The following LDB2 variants were observed in gnomAD, a reference collection of about 807,000 sequenced individuals.
LDB2 encodes the protein LIM domain binding 2.
Under a neutral mutation model 44.3 loss-of-function variants are expected in LDB2, and 12 were observed. The observed-to-expected ratio is 0.27, with a 90% confidence interval of 0.17 to 0.44. The LOEUF is 0.44. Ranked by LOEUF, LDB2 falls within the 20% of genes least tolerant of loss-of-function variation. The pLI, the probability that LDB2 is intolerant of heterozygous loss-of-function variation, is 1.00. For missense variants in LDB2, 344 were observed against 473.5 expected, an observed-to-expected ratio of 0.73 and a Z score of 2.54; for synonymous variants, 164 against 174.8, an observed-to-expected ratio of 0.94 and a Z score of 0.49.
At chr4:16,664,760 T>C (rs767215828) in intron 2 of LDB2, among the ~76,000 whole-genome samples, 1 of 152,264 alleles carries the variant, frequency 6.6e-6, no homozygotes, top group Non-Finnish European at 1.5e-5. Context: ...TTCAGGTGCC[T>C]GCATTGTAAT....
At chr4:16,552,121 A>G (rs1737896260) in intron 5 of LDB2, among the ~76,000 whole-genome samples, 1 of 152,116 alleles carries the variant, frequency 6.6e-6, no homozygotes, top group Admixed American at 6.5e-5. Flanking sequence ...GTTGGTTTGT[A>G]TTATATTTTG....
chr4:16,561,482 A>G (rs1742233324), intron 5 of LDB2, among the ~76,000 whole-genome samples: 1 of 152,208 alleles, frequency 6.6e-6, no homozygotes, highest in South Asian at 2.1e-4. Context: ...CCTCAAAGAG[A>G]ATAAAATACC....
chr4:16,876,636 A>T (rs1718465052), intron 1 of LDB2, among the ~76,000 whole-genome samples: 1 of 152,162 alleles, frequency 6.6e-6, no homozygotes, highest in Non-Finnish European at 1.5e-5. Context: ...TGTAAAGTTT[A>T]TAAATATAAC....
chr4:16,596,021 C>G (rs1037405270), intron 2 of LDB2, 146 bp from the exon 3 acceptor site: 10 of 752,812 alleles, frequency 1.3e-5, no homozygotes, highest in Non-Finnish European at 2.1e-5. Context: ...TTAAAAACAG[C>G]CATGACCCTT....
At chr4:16,598,591 G>C (rs1721695638) in intron 2 of LDB2, among the ~76,000 whole-genome samples, 1 of 152,064 alleles carries the variant, frequency 6.6e-6, no homozygotes, top group Non-Finnish European at 1.5e-5. Context: ...CATGTGTTGA[G>C]GTGTTTTTTT....
At chr4:16,518,540 G>C (rs1197267725) in intron 5 of LDB2, among the ~76,000 whole-genome samples, 1 of 151,368 alleles carries the variant, frequency 6.6e-6, no homozygotes, top group Non-Finnish European at 1.5e-5. Context: ...ATCTTAACTA[G>C]GATTTGGCAA....
chr4:16,649,281 T>G (rs1737615412), intron 2 of LDB2, among the ~76,000 whole-genome samples: 1 of 152,214 alleles, frequency 6.6e-6, no homozygotes. Flanking sequence ...CATGATGATG[T>G]GCATATGTTT....
At chr4:16,658,969 C>A (rs1291781626) in intron 2 of LDB2, among the ~76,000 whole-genome samples, 1 of 152,162 alleles carries the variant, frequency 6.6e-6, no homozygotes, top group African/African-American at 2.4e-5. Flanking sequence ...TAGGCCAAGT[C>A]TTAAGCAAGA....
At chr4:16,623,338 C>T (rs1729391761) in intron 2 of LDB2, among the ~76,000 whole-genome samples, 1 of 152,324 alleles carries the variant, frequency 6.6e-6, no homozygotes, top group South Asian at 2.1e-4. Context: ...TGGCTCACGC[C>T]TGTAATCCCA....
In LDB2 at chr4:16,508,622, G is replaced by A. The variant is rs901619389; in HGVS notation, c.804C>T (p.Ser268=). The part of the protein sequence containing the change: ...RKRKNSTSST[S]NSSAGNNANS... Reference sequence around the variant, plus strand: ...TTGCATTGTTCCCAGCGCTGCTGTTGGAAGTGCTGCTGGTGGAATTTTTCC... The same window carrying A: ...TTGCATTGTTCCCAGCGCTGCTGTTAGAAGTGCTGCTGGTGGAATTTTTCC... Residue 268 remains serine (S), a synonymous_variant, in exon 7 of 8, where the codon TCC becomes TCT. Transcript: ENST00000304523. 4 of 1,613,656 alleles carry A rather than the reference G, an allele frequency of 2.5e-6. No individual in the cohort carries two copies. The African/African-American group carries it at 5.3e-5, about 22-fold the overall frequency.
chr4:16,765,265 G>A (rs1317699148), intron 1 of LDB2, among the ~76,000 whole-genome samples: 3 of 152,210 alleles, frequency 2.0e-5, no homozygotes, highest in African/African-American at 7.2e-5. Context: ...GGACCCTGGA[G>A]TTGGCCTCCC....
At chr4:16,731,038 G>GA (rs1467731611) in intron 2 of LDB2, among the ~76,000 whole-genome samples, 1 of 152,182 alleles carries the variant, frequency 6.6e-6, no homozygotes, top group Non-Finnish European at 1.5e-5. Context: ...ACTGGAGACA[G>GA]AAAAAGCAGG....
intron 2 of LDB2, among the ~76,000 whole-genome samples, chr4:16,691,839 T>G (rs1432330960): frequency 6.6e-6 from 1 of 152,126 alleles, no homozygotes; most frequent in Non-Finnish European, 1.5e-5. Flanking sequence ...CACATACAGG[T>G]TTTCATTCCT....
intron 2 of LDB2, among the ~76,000 whole-genome samples, chr4:16,613,673 T>C (rs995763220): frequency 1.3e-5 from 2 of 151,902 alleles, no homozygotes; most frequent in African/African-American, 4.8e-5. Context: ...TCATAATCAC[T>C]ACAAAGAGAA....
chr4:16,526,394 C>T (rs77461379), intron 5 of LDB2, among the ~76,000 whole-genome samples: 3 of 152,212 alleles, frequency 2.0e-5, no homozygotes, highest in South Asian at 2.1e-4. Context: ...AGAATTACCC[C>T]CTTGGCTTCC....
intron 2 of LDB2, among the ~76,000 whole-genome samples, chr4:16,674,701 A>G (rs1163312516): frequency 2.0e-5 from 3 of 152,298 alleles, no homozygotes; most frequent in South Asian, 2.1e-4. Context: ...CTATGAATAC[A>G]TGGTGCCTGG....
At chr4:16,808,691 G>C (rs1779235797) in intron 1 of LDB2, among the ~76,000 whole-genome samples, 1 of 152,182 alleles carries the variant, frequency 6.6e-6, no homozygotes, top group African/African-American at 2.4e-5. Flanking sequence ...GTGCTTACCA[G>C]AAACACTAGT....
At chr4:16,581,570 C>T (rs924548425) in intron 5 of LDB2, 29 of 261,906 alleles carry the variant, frequency 1.1e-4, no homozygotes, top group Non-Finnish European at 1.4e-4. Context: ...AAGTCACTAA[C>T]ACTCTCCATC....
In LDB2 at chr4:16,502,995, C is replaced by G. The variant is rs1717910809; in HGVS notation, c.892-122G>C. On this transcript the variant is annotated intron_variant, in intron 7 of 7. Coordinates refer to ENST00000304523, the MANE Select transcript of LDB2 (RefSeq NM_001290.5). ...ACACTCGTGTACTGTACAACGGGGT[C>G]AAGTCTCAATGTCGGGGGCCGAGAC... is the stretch of plus-strand genomic sequence containing the variant. The G allele has an allele frequency of 3.7e-6, 6 of 1,600,302 alleles. No individual in the cohort carries two copies. In the South Asian group the frequency reaches 5.5e-5, roughly 15 times the overall value.
Sources: allele counts gnomAD v4.1 joint callset (sites outside exome capture counted in the v4.1 genomes callset), GRCh38; gene constraint gnomAD v4.1.1; transcripts MANE v1.5; gene names NCBI Gene and HGNC (gene_info 2026-07-23, HGNC 2026-07-21).